The following CAMK2D variants were observed in gnomAD, a reference collection of about 807,000 sequenced individuals.
CAMK2D encodes calcium/calmodulin-dependent protein kinase type II subunit delta.
A neutral mutation model predicts 84.0 loss-of-function variants in CAMK2D; 37 were observed. The observed-to-expected ratio is 0.44, with a 90% CI of 0.34 to 0.58. CAMK2D has a LOEUF of 0.58. Ranked by LOEUF, CAMK2D falls within the 20% of genes least tolerant of loss-of-function variation. The pLI is 0.02. For synonymous variants in CAMK2D, 202 were observed against 212.5 expected (o/e 0.95, Z 0.43); for missense variants, 448 against 652.5 (o/e 0.69, Z 3.41).
At chr4:113,455,909 C>CA (rs919886262) in intron 19 of CAMK2D, 88 bp from the exon 20 acceptor site, 4 of 773,896 alleles carry the variant, frequency 5.2e-6, no homozygotes, top group East Asian at 2.5e-5. Flanking sequence ...CAGGGAACTG[C>CA]AAAAAAACCT....
intron 2 of CAMK2D, among the ~76,000 whole-genome samples, chr4:113,735,347 C>A: frequency 7.2e-6 from 1 of 139,348 alleles, no homozygotes; most frequent in East Asian, 2.1e-4. Flanking sequence ...TGGTGGTGTG[C>A]GCCTGTGGTC....
intron 2 of CAMK2D, among the ~76,000 whole-genome samples, chr4:113,731,301 G>C (rs1242682460): frequency 6.6e-6 from 1 of 152,122 alleles, no homozygotes; most frequent in East Asian, 1.9e-4. Flanking sequence ...GCATTCCCGG[G>C]TCTAAAGAGG....
intron 4 of CAMK2D, among the ~76,000 whole-genome samples, chr4:113,567,960 T>A (rs1238044153): frequency 6.6e-6 from 1 of 152,216 alleles, no homozygotes; most frequent in Non-Finnish European, 1.5e-5. Context: ...ATTAGGTTTA[T>A]TTACTTAGGA....
intron 2 of CAMK2D, among the ~76,000 whole-genome samples, chr4:113,721,002 C>T (rs2148621896): frequency 6.6e-6 from 1 of 152,188 alleles, no homozygotes; most frequent in Middle Eastern, 3.4e-3. Flanking sequence ...CAAGGATAAA[C>T]AGGCTGAAAT....
intron 2 of CAMK2D, among the ~76,000 whole-genome samples, chr4:113,684,897 G>T (rs898141662): frequency 1.3e-5 from 2 of 152,164 alleles, no homozygotes; most frequent in African/African-American, 4.8e-5. Flanking sequence ...GCTCCACTCT[G>T]TCCCACTGGA....
intron 2 of CAMK2D, among the ~76,000 whole-genome samples, chr4:113,676,637 A>G (rs972072738): frequency 1.3e-5 from 2 of 152,228 alleles, no homozygotes; most frequent in African/African-American, 4.8e-5. Context: ...AGCAGGTACA[A>G]GATCATTCTG....
intron 5 of CAMK2D, among the ~76,000 whole-genome samples, chr4:113,550,902 C>G (rs1054444622): frequency 6.6e-6 from 1 of 152,140 alleles, no homozygotes; most frequent in Non-Finnish European, 1.5e-5. Flanking sequence ...CACAAAGTGC[C>G]ATAAACAGTG....
chr4:113,489,566 A>G (rs1461767097), intron 16 of CAMK2D, among the ~76,000 whole-genome samples: 1 of 148,904 alleles, frequency 6.7e-6, no homozygotes, highest in Non-Finnish European at 1.5e-5. Flanking sequence ...GTTGGTTCCA[A>G]GTCTTTGCTA....
At chr4:113,525,430 T>C (rs1487981140) in intron 8 of CAMK2D, among the ~76,000 whole-genome samples, 1 of 152,182 alleles carries the variant, frequency 6.6e-6, no homozygotes, top group Non-Finnish European at 1.5e-5. Context: ...GAAGCAGTTA[T>C]ACATACAATT....
intron 2 of CAMK2D, among the ~76,000 whole-genome samples, chr4:113,706,350 C>A (rs1222580030): frequency 6.6e-6 from 1 of 152,092 alleles, no homozygotes; most frequent in Non-Finnish European, 1.5e-5. Flanking sequence ...GGTGCACTAA[C>A]AGAAACTATT....
At chr4:113,709,620 G>C (rs2099481432) in intron 2 of CAMK2D, among the ~76,000 whole-genome samples, 1 of 150,280 alleles carries the variant, frequency 6.7e-6, no homozygotes, top group South Asian at 2.1e-4. Flanking sequence ...CTATGTCCCT[G>C]GTTCCAAAGA....
intron 5 of CAMK2D, among the ~76,000 whole-genome samples, chr4:113,549,205 CA>C (rs571670943): frequency 2.6e-5 from 4 of 151,462 alleles, no homozygotes; most frequent in South Asian, 4.2e-4. Context: ...AAACAAGGGT[CA>C]AAAAAAATGG....
chr4:113,512,003 C>T (rs1258458149), intron 12 of CAMK2D, among the ~76,000 whole-genome samples: 1 of 151,950 alleles, frequency 6.6e-6, no homozygotes, highest in African/African-American at 2.4e-5. Context: ...ACTATAACAC[C>T]CAGGCTAAGT....
chr4:113,523,418 C>T (rs1225089317), intron 8 of CAMK2D, among the ~76,000 whole-genome samples: 1 of 151,712 alleles, frequency 6.6e-6, no homozygotes, highest in Non-Finnish European at 1.5e-5. Context: ...GCTAAAAATA[C>T]CTAACATTAA....
intron 7 of CAMK2D, among the ~76,000 whole-genome samples, chr4:113,533,297 G>C (rs1183095746): frequency 6.6e-6 from 1 of 152,008 alleles, no homozygotes; most frequent in Non-Finnish European, 1.5e-5. Context: ...CTAAATGCAT[G>C]GACGTTAGGA....
intron 16 of CAMK2D, among the ~76,000 whole-genome samples, chr4:113,487,246 T>C (rs1360864994): frequency 6.6e-6 from 1 of 152,148 alleles, no homozygotes; most frequent in East Asian, 1.9e-4. Context: ...TTAAATACTT[T>C]AGACCTAATT....
At chr4:113,615,970 CTATT>C (rs1427394775) in intron 3 of CAMK2D, among the ~76,000 whole-genome samples, 1 of 152,022 alleles carries the variant, frequency 6.6e-6, no homozygotes, top group Non-Finnish European at 1.5e-5. Flanking sequence ...TTTTGAAAAA[CTATT>C]TAGCAATATG....
intron 3 of CAMK2D, among the ~76,000 whole-genome samples, chr4:113,660,640 C>T (rs2099225680): frequency 6.6e-6 from 1 of 152,122 alleles, no homozygotes; most frequent in African/African-American, 2.4e-5. Flanking sequence ...ATCCTTCTGC[C>T]TCACCCCTCC....
At chr4:113,507,947 A>G (rs1488526758) in intron 13 of CAMK2D, among the ~76,000 whole-genome samples, 1 of 152,172 alleles carries the variant, frequency 6.6e-6, no homozygotes, top group Non-Finnish European at 1.5e-5. Context: ...GTTTTTACTG[A>G]TCACTATACA....
Sources: allele counts gnomAD v4.1 joint callset (sites outside exome capture counted in the v4.1 genomes callset), GRCh38; gene constraint gnomAD v4.1.1; transcripts MANE v1.5; gene names NCBI Gene and HGNC (gene_info 2026-07-23, HGNC 2026-07-21).